The following EPHA5 variants were observed in gnomAD, a reference collection of about 807,000 sequenced individuals.
The protein encoded by EPHA5 is ephrin type-A receptor 5.
In EPHA5, 60 loss-of-function variants were observed where a neutral mutation model predicts 105.0. That is an observed-to-expected ratio of 0.57 (90% CI 0.46 to 0.71). The LOEUF is 0.71. EPHA5 is among the 30% of genes least tolerant of loss of function. The pLI is 0.00. For missense variants in EPHA5, 1,218 were observed against 1,274.7 expected (o/e 0.96, Z 0.68); for synonymous variants, 513 against 449.1 (o/e 1.14, Z -1.80).
intron 3 of EPHA5, among the ~76,000 whole-genome samples, chr4:65,565,984 T>C (rs1378294890): frequency 3.3e-5 from 5 of 151,670 alleles, no homozygotes; most frequent in African/African-American, 1.2e-4. Flanking sequence ...TTTTATTTAG[T>C]CAATTCATGG....
chr4:65,537,846 A>G (rs1302989475), intron 3 of EPHA5, among the ~76,000 whole-genome samples: 1 of 151,732 alleles, frequency 6.6e-6, no homozygotes, highest in African/African-American at 2.4e-5. Context: ...ATATCCCCAT[A>G]CAATAATACA....
At chr4:65,549,932 C>G (rs1737737484) in intron 3 of EPHA5, among the ~76,000 whole-genome samples, 2 of 151,862 alleles carry the variant, frequency 1.3e-5, no homozygotes, top group Admixed American at 6.6e-5. Context: ...CTCAGAAGGC[C>G]CAAAAGCACA....
chr4:65,405,551 C>A (rs1722277092), intron 7 of EPHA5, among the ~76,000 whole-genome samples: 1 of 152,072 alleles, frequency 6.6e-6, no homozygotes. Flanking sequence ...TTCTTTCTAC[C>A]AAAACTAAGT....
intron 5 of EPHA5, among the ~76,000 whole-genome samples, chr4:65,465,524 AAAGAAAAGAAAGG>A (rs1350504858): frequency 5.3e-4 from 47 of 89,158 alleles, no homozygotes; most frequent in Admixed American, 1.8e-3. Context: ...AGAAAGAAAG[AAAGAAAAGAAAGG>A]AAAGGAAGGA....
At chr4:65,410,919 G>A (rs772284043) in intron 7 of EPHA5, among the ~76,000 whole-genome samples, 1 of 152,122 alleles carries the variant, frequency 6.6e-6, no homozygotes, top group Non-Finnish European at 1.5e-5. Context: ...TAAAGGTTAA[G>A]ATAGATTCCG....
intron 3 of EPHA5, among the ~76,000 whole-genome samples, chr4:65,498,370 G>T (rs1732151145): frequency 2.0e-5 from 3 of 151,862 alleles, no homozygotes; most frequent in African/African-American, 7.2e-5. Context: ...ACTGACAAAT[G>T]AAAATTGTAT....
At chr4:65,530,428 G>A (rs1055361915) in intron 3 of EPHA5, among the ~76,000 whole-genome samples, 73 of 152,014 alleles carry the variant, frequency 4.8e-4, no homozygotes, top group Non-Finnish European at 3.5e-4. Flanking sequence ...GTGTGTGTGT[G>A]TGTGTGCGTG....
chr4:65,596,119 A>G (rs1031148378), intron 3 of EPHA5, among the ~76,000 whole-genome samples: 3 of 152,200 alleles, frequency 2.0e-5, no homozygotes, highest in African/African-American at 7.2e-5. Context: ...CATTCTTCCA[A>G]ATTTAAAGAA....
intron 5 of EPHA5, among the ~76,000 whole-genome samples, chr4:65,477,459 C>T (rs993060347): frequency 6.6e-6 from 1 of 152,006 alleles, no homozygotes; most frequent in South Asian, 2.1e-4. Context: ...GTCGCCCAGG[C>T]TTGAGTGCAG....
At chr4:65,456,723 T>TACAC (rs71205367) in intron 5 of EPHA5, among the ~76,000 whole-genome samples, 16,728 of 151,258 alleles carry the variant, frequency 0.11, 1,051 homozygotes, top group East Asian at 0.2. Flanking sequence ...AATAAACATA[T>TACAC]ACACACACAC....
intron 3 of EPHA5, among the ~76,000 whole-genome samples, chr4:65,570,117 T>TCA (rs1052802998): frequency 6.6e-6 from 1 of 151,728 alleles, no homozygotes; most frequent in Non-Finnish European, 1.5e-5. Flanking sequence ...CAACACTGTA[T>TCA]GAGTTCAGAG....
chr4:65,639,475 TTTA>T (rs1747446958), intron 2 of EPHA5, among the ~76,000 whole-genome samples: 2 of 152,174 alleles, frequency 1.3e-5, no homozygotes, highest in East Asian at 3.9e-4. Flanking sequence ...CTGAGGATCT[TTTA>T]TACAAGGTGA....
rs554534934 is a variant in EPHA5, at chr4:65,666,055, T to C, written c.181+3507A>G. Among the ~76,000 whole-genome samples, 13 of 152,366 alleles carry C rather than the reference T, an allele frequency of 8.5e-5. No homozygotes were observed. The East Asian group carries it at 2.5e-3, about 29-fold the overall frequency. ...CTATTATGTCCTCCAATCTATTTTA[T>C]GGGCCTGGTTCTATTATAAGCCAAG... On this transcript the variant is annotated intron_variant, in intron 1 of 16. Coordinates refer to ENST00000613740, the MANE Select transcript of EPHA5 (RefSeq NM_001281766.3).
chr4:65,553,758 G>C (rs1354610400), intron 3 of EPHA5, among the ~76,000 whole-genome samples: 2 of 151,976 alleles, frequency 1.3e-5, no homozygotes, highest in African/African-American at 4.8e-5. Context: ...TACATTTTCG[G>C]ATGTAGGACC....
At chr4:65,437,438 T>C (rs1306855295) in intron 5 of EPHA5, among the ~76,000 whole-genome samples, 2 of 152,060 alleles carry the variant, frequency 1.3e-5, no homozygotes, top group Admixed American at 6.6e-5. Context: ...AAAAGACATA[T>C]CAAATTTTAG....
At chr4:65,528,277 T>C (rs996471574) in intron 3 of EPHA5, among the ~76,000 whole-genome samples, 1 of 152,090 alleles carries the variant, frequency 6.6e-6, no homozygotes, top group Non-Finnish European at 1.5e-5. Flanking sequence ...ATGAGCACCT[T>C]CTAAATGTAG....
At chr4:65,632,384 C>A (rs750527074) in intron 2 of EPHA5, among the ~76,000 whole-genome samples, 2 of 150,610 alleles carry the variant, frequency 1.3e-5, no homozygotes, top group Non-Finnish European at 2.9e-5. Context: ...AAACTGAGTC[C>A]TGTTTACCAC....
chr4:65,598,688 C>T (rs1045819761), intron 3 of EPHA5, among the ~76,000 whole-genome samples: 5 of 152,144 alleles, frequency 3.3e-5, no homozygotes, highest in African/African-American at 9.7e-5. Flanking sequence ...GGGGCATCTT[C>T]TCTGTAGAAG....
chr4:65,359,617 T>C (rs1010437103), intron 11 of EPHA5, among the ~76,000 whole-genome samples: 1 of 151,558 alleles, frequency 6.6e-6, no homozygotes, highest in African/African-American at 2.4e-5. Context: ...CTTTTTCTCA[T>C]ACTTCACATC....
Sources: gnomAD v4.1 joint callset for allele counts (sites outside exome capture counted in the v4.1 genomes callset) on GRCh38, gnomAD v4.1.1 for gene constraint, MANE v1.5 for transcripts, NCBI Gene and HGNC (gene_info 2026-07-23, HGNC 2026-07-21) for gene names.